Variants in GLIS3 observed in about 807,000 individuals in gnomAD.
The protein encoded by GLIS3 is GLIS family zinc finger 3, also known as zinc finger protein GLIS3.
Under a neutral mutation model 78.6 loss-of-function variants are expected in GLIS3, and 53 were observed. The ratio of observed to expected loss-of-function variants is 0.67; its 90% CI spans 0.54 to 0.85. The LOEUF is 0.85. GLIS3 is among the 40% of genes least tolerant of loss of function. GLIS3 has a pLI of 0.00. For synonymous variants in GLIS3, 684 were observed against 509.9 expected (o/e 1.34, Z -4.60); for missense variants, 1,703 against 1,231.1 (o/e 1.38, Z -5.74).
At chr9:4,043,450 G>T (rs1232193055) in intron 4 of GLIS3, among the ~76,000 whole-genome samples, 1 of 152,050 alleles carries the variant, frequency 6.6e-6, no homozygotes, top group African/African-American at 2.4e-5. Flanking sequence ...GAGATAATCA[G>T]GTACGGCTGG....
At chr9:4,132,516 A>G (rs1221673293) in intron 2 of GLIS3, among the ~76,000 whole-genome samples, 2 of 152,196 alleles carry the variant, frequency 1.3e-5, no homozygotes, top group East Asian at 1.9e-4. Flanking sequence ...CAAGAATGAA[A>G]TATATCTGGG....
chr9:4,325,557 C>A (rs568091828), intron 2 of GLIS3, among the ~76,000 whole-genome samples: 6 of 152,234 alleles, frequency 3.9e-5, no homozygotes, highest in Admixed American at 2.0e-4. Context: ...TCCTTTCCTG[C>A]AAAATATCCA....
At chr9:4,267,396 G>A (rs1190133248) in intron 2 of GLIS3, among the ~76,000 whole-genome samples, 4 of 152,128 alleles carry the variant, frequency 2.6e-5, no homozygotes, top group African/African-American at 9.7e-5. Context: ...GAGATGAAAT[G>A]GCTTCTAAGC....
chr9:4,358,255 G>T, the GLIS3 span, among the ~76,000 whole-genome samples: 3 of 152,038 alleles, frequency 2.0e-5, no homozygotes, highest in African/African-American at 7.3e-5. Context: ...AAGGAATTCT[G>T]CTTTTTTTTG....
intron 2 of GLIS3, among the ~76,000 whole-genome samples, chr9:4,180,401 G>C (rs938090752): frequency 2.0e-5 from 3 of 152,190 alleles, no homozygotes; most frequent in Non-Finnish European, 4.4e-5. Flanking sequence ...TCAATGGGCA[G>C]GCTTGGGCTG....
At chr9:3,846,014 G>T (rs1223449704) in intron 9 of GLIS3, among the ~76,000 whole-genome samples, 1 of 152,152 alleles carries the variant, frequency 6.6e-6, no homozygotes, top group Non-Finnish European at 1.5e-5. Flanking sequence ...TGTTATGGAG[G>T]ATTAGTGAGC....
At chr9:4,097,614 A>G (rs1209388848) in intron 4 of GLIS3, among the ~76,000 whole-genome samples, 2 of 152,206 alleles carry the variant, frequency 1.3e-5, no homozygotes, top group African/African-American at 4.8e-5. Flanking sequence ...AGCTTCGCAT[A>G]CTGACCAAAA....
At chr9:4,409,552 A>C in the GLIS3 span, among the ~76,000 whole-genome samples, 1 of 152,222 alleles carries the variant, frequency 6.6e-6, no homozygotes, top group Non-Finnish European at 1.5e-5. Flanking sequence ...TAGTATAATG[A>C]TAATTATGGA....
the GLIS3 span, among the ~76,000 whole-genome samples, chr9:4,392,598 T>C: frequency 1.3e-5 from 2 of 152,154 alleles, no homozygotes; most frequent in African/African-American, 4.8e-5. Context: ...GCTTTTTCTT[T>C]TGTATCTGGT....
chr9:4,403,361 T>C, the GLIS3 span, among the ~76,000 whole-genome samples: 1 of 152,138 alleles, frequency 6.6e-6, no homozygotes, highest in Admixed American at 6.5e-5. Context: ...GAAGAAATCA[T>C]CTGAAGGTAA....
At chr9:4,411,534 G>T in the GLIS3 span, among the ~76,000 whole-genome samples, 52 of 152,256 alleles carry the variant, frequency 3.4e-4, no homozygotes, top group African/African-American at 1.2e-3. Flanking sequence ...ATCCCAGTTT[G>T]GGAACCACTA....
chr9:4,351,675 T>TA (rs1554661038), upstream of GLIS3, among the ~76,000 whole-genome samples: 1 of 152,076 alleles, frequency 6.6e-6, no homozygotes. Context: ...TTCATTTTTT[T>TA]AAAAAAATGT....
the GLIS3 span, among the ~76,000 whole-genome samples, chr9:4,416,921 C>T: frequency 2.7e-4 from 40 of 148,138 alleles, no homozygotes; most frequent in African/African-American, 9.1e-4. Flanking sequence ...CAGGTTCAAG[C>T]GATTCTCCTT....
chr9:3,899,679 A>G (rs1823140187), intron 6 of GLIS3, among the ~76,000 whole-genome samples: 1 of 152,220 alleles, frequency 6.6e-6, no homozygotes, highest in Admixed American at 6.5e-5. Flanking sequence ...GTATAAATGG[A>G]TTTTATAAAG....
intron 4 of GLIS3, among the ~76,000 whole-genome samples, chr9:4,047,215 G>A (rs930260279): frequency 1.3e-5 from 2 of 152,006 alleles, no homozygotes; most frequent in Non-Finnish European, 2.9e-5. Flanking sequence ...TCTGTCTCTC[G>A]CCTGCCACCA....
At chr9:4,104,672 C>A (rs1372493308) in intron 4 of GLIS3, among the ~76,000 whole-genome samples, 1 of 152,212 alleles carries the variant, frequency 6.6e-6, no homozygotes, top group Non-Finnish European at 1.5e-5. Flanking sequence ...CTTCACTCCA[C>A]TCCATCCACC....
chr9:4,403,682 T>G, the GLIS3 span, among the ~76,000 whole-genome samples: 2 of 152,110 alleles, frequency 1.3e-5, no homozygotes, highest in South Asian at 4.1e-4. Context: ...AAATAGTATT[T>G]GCAAGACTCA....
chr9:4,317,074 A>C (rs1817447712), intron 2 of GLIS3, among the ~76,000 whole-genome samples: 1 of 152,236 alleles, frequency 6.6e-6, no homozygotes, highest in African/African-American at 2.4e-5. Context: ...TGAGCAGGGC[A>C]CTTAGAGTAA....
the GLIS3 span, among the ~76,000 whole-genome samples, chr9:4,465,291 T>C: frequency 6.6e-6 from 1 of 152,260 alleles, no homozygotes; most frequent in Non-Finnish European, 1.5e-5. Context: ...CTTATGCCTG[T>C]AATCCCGGCA....
Sources: gnomAD v4.1 joint callset for allele counts (sites outside exome capture counted in the v4.1 genomes callset) on GRCh38, gnomAD v4.1.1 for gene constraint, MANE v1.5 for transcripts, NCBI Gene and HGNC (gene_info 2026-07-23, HGNC 2026-07-21) for gene names.